FKBP5: variants seen among roughly 807,000 people sequenced by gnomAD.
FKBP5 encodes the protein peptidyl-prolyl cis-trans isomerase FKBP5.
In FKBP5, 23 loss-of-function variants were observed where a neutral mutation model predicts 50.5. That is an observed-to-expected ratio of 0.46 (90% CI 0.33 to 0.65). The LOEUF (loss-of-function observed/expected upper bound fraction) is 0.65, where lower values mean the gene tolerates loss of function less well. Ranked by LOEUF, FKBP5 falls within the 30% of genes least tolerant of loss-of-function variation. FKBP5 has a pLI of 0.02. For missense variants in FKBP5, 411 were observed against 553.1 expected (o/e 0.74, Z 2.58); for synonymous variants, 176 against 190.6 (o/e 0.92, Z 0.63).
intron 1 of FKBP5, among the ~76,000 whole-genome samples, chr6:35,676,089 A>G (rs563292169): frequency 3.9e-5 from 6 of 152,342 alleles, no homozygotes; most frequent in African/African-American, 1.4e-4. Flanking sequence ...AGCAGCAGCA[A>G]GAAGAGAAAA....
intron 5 of FKBP5, among the ~76,000 whole-genome samples, chr6:35,606,659 CAAAAAAAAAAAAAAAAAAAAAAAAA>C (rs61139697): frequency 4.0e-5 from 1 of 25,122 alleles, no homozygotes; most frequent in Non-Finnish European, 7.0e-5. Flanking sequence ...GACTCCGTCT[CAAAAAAAAAAAAAAAAAAAAAAAAA>C]AAAAAAAAAA....
chr6:35,577,210 A>G lies in FKBP5; in HGVS notation c.1050T>C (p.Asn350=), dbSNP rs777596648. 1.9e-6 allele frequency: 3 copies of G among 1,611,694 alleles called. No individual in the cohort carries two copies. Among genetic ancestry groups the G allele is most frequent in the Non-Finnish European group, 1.7e-6 (2 of 1,178,438 alleles). Residue 350 remains asparagine (N), a synonymous_variant, in exon 10 of 11, where the codon AAT becomes AAC. Transcript: ENST00000357266. The part of the protein sequence containing the change: ...CDKALGLDSA[N]EKGLYRRGEA... The stretch of plus-strand genomic sequence containing the variant: ...CACCCCTCCTATACAAGCCTTTCTC[A>G]TTGGCACTGTCCAGTCCAAGGGCCT...
intron 1 of FKBP5, among the ~76,000 whole-genome samples, chr6:35,722,601 C>T (rs924355288): frequency 6.6e-6 from 1 of 152,238 alleles, no homozygotes; most frequent in African/African-American, 2.4e-5. Context: ...GCTCTCCAAC[C>T]TGCACTCCAT....
At chr6:35,614,831 T>C (rs575314301) in intron 5 of FKBP5, among the ~76,000 whole-genome samples, 1 of 152,078 alleles carries the variant, frequency 6.6e-6, no homozygotes, top group African/African-American at 2.4e-5. Context: ...TTTTAACATA[T>C]ACATACAGGC....
At chr6:35,724,774 G>A (rs550675351) in intron 1 of FKBP5, among the ~76,000 whole-genome samples, 22 of 151,622 alleles carry the variant, frequency 1.5e-4, no homozygotes, top group Admixed American at 3.3e-4. Context: ...AAAAAAAAAG[G>A]TGCTGGCTTT....
At chr6:35,649,605 AAG>A (rs1438890847) in intron 1 of FKBP5, among the ~76,000 whole-genome samples, 11 of 152,148 alleles carry the variant, frequency 7.2e-5, no homozygotes, top group Admixed American at 6.6e-4. Flanking sequence ...TTAAAAGTAG[AAG>A]AGAGATGTAG....
intron 3 of FKBP5, among the ~76,000 whole-genome samples, chr6:35,627,359 C>A (rs1043413150): frequency 2.2e-4 from 33 of 152,260 alleles, no homozygotes; most frequent in Non-Finnish European, 3.7e-4. Flanking sequence ...CCAGACTGGT[C>A]TTGAACTCCT....
intron 2 of FKBP5, among the ~76,000 whole-genome samples, chr6:35,707,809 T>C (rs1474186203): frequency 6.6e-6 from 1 of 152,218 alleles, no homozygotes; most frequent in Non-Finnish European, 1.5e-5. Flanking sequence ...ATGCGGTATT[T>C]GGTTTTCTGT....
At chr6:35,589,128 A>ATT (rs58812576) in intron 7 of FKBP5, among the ~76,000 whole-genome samples, 285 of 121,542 alleles carry the variant, frequency 2.3e-3, no homozygotes, top group African/African-American at 5.0e-3. Context: ...ATATATATAT[A>ATT]TTTTTTTTTT....
rs560064726 is a variant in FKBP5 at position 35,648,116 on chromosome 6, G to T, written c.-19-5273C>A. Among the ~76,000 whole-genome samples, 13 of 152,300 alleles carry T rather than the reference G, an allele frequency of 8.5e-5. No individual in the cohort carries two copies. The South Asian group carries it at 2.7e-3, about 32-fold the overall frequency. Reference sequence around the variant, plus strand: ...AGAGTCTGGATTTAATTGGTCTGTGGTGGGGCCAGGGTAATGGTGTTTTCA... The same window carrying T: ...AGAGTCTGGATTTAATTGGTCTGTGTTGGGGCCAGGGTAATGGTGTTTTCA... On this transcript the variant is annotated intron_variant, in intron 1 of 10. Coordinates refer to ENST00000357266, the MANE Select transcript of FKBP5 (RefSeq NM_004117.4).
At chr6:35,688,139 G>C (rs1350989138) in intron 1 of FKBP5, among the ~76,000 whole-genome samples, 1 of 152,232 alleles carries the variant, frequency 6.6e-6, no homozygotes, top group African/African-American at 2.4e-5. Context: ...GGCCGACAGC[G>C]GCGATGCGGT....
At chr6:35,725,920 C>T (rs538939137) in intron 1 of FKBP5, among the ~76,000 whole-genome samples, 2 of 152,292 alleles carry the variant, frequency 1.3e-5, no homozygotes, top group African/African-American at 2.4e-5. Flanking sequence ...CTCGGGGCAC[C>T]GCAGGGAAAG....
intron 2 of FKBP5, among the ~76,000 whole-genome samples, chr6:35,718,095 C>T (rs1386324029): frequency 2.6e-5 from 4 of 152,122 alleles, no homozygotes; most frequent in Non-Finnish European, 4.4e-5. Flanking sequence ...CTGGATGACA[C>T]CACTCCCCAG....
rs148043129 is a variant in FKBP5 at position 35,642,776 on chromosome 6, T to C, written c.49A>G (p.Thr17Ala). 1.2e-3 allele frequency: 1,875 copies of C among 1,614,070 alleles called. No homozygotes were observed. Among genetic ancestry groups the C allele is most frequent in the Admixed American group, 2.3e-3 (140 of 60,006 alleles). Residue 17 changes from threonine to alanine, a missense_variant, in exon 2 of 11, where the codon ACT (threonine) becomes GCT (alanine). By Grantham distance (58) the Thr-to-Ala change is moderately conservative. This residue lies in a region of FKBP5 where 56 missense variants were observed against 58.2 expected (regional missense o/e 0.96). Transcript: ENST00000357266. ...AKNNEESPTA[T>A]VAEQGEDITS... ...ATATCCTCTCCCTGCTCAGCAACAG[T>C]GGCTGTGGGGCTTTCTTCATTGTTC...
intron 2 of FKBP5, among the ~76,000 whole-genome samples, chr6:35,641,042 G>A (rs1275175223): frequency 5.9e-5 from 9 of 152,170 alleles, no homozygotes; most frequent in Admixed American, 5.9e-4. Context: ...GCAGTGGTAT[G>A]ATCATAGTTC....
At chr6:35,697,547 CAAA>C (rs369940228) in intron 2 of FKBP5, among the ~76,000 whole-genome samples, 1 of 124,128 alleles carries the variant, frequency 8.1e-6, no homozygotes. Context: ...AACTCTGTCT[CAAA>C]AAAAAAAAAA....
intron 5 of FKBP5, among the ~76,000 whole-genome samples, chr6:35,615,520 C>G (rs1440934385): frequency 6.6e-6 from 1 of 152,020 alleles, no homozygotes; most frequent in Non-Finnish European, 1.5e-5. Context: ...ATGGTCAAAT[C>G]TGGGACAATG....
intron 1 of FKBP5, among the ~76,000 whole-genome samples, chr6:35,686,486 T>C (rs1394224827): frequency 6.6e-6 from 1 of 152,092 alleles, no homozygotes; most frequent in Non-Finnish European, 1.5e-5. Flanking sequence ...GTATTTTATA[T>C]ATTTAAGTAC....
rs566020230 is a variant in FKBP5 at position 35,600,175 on chromosome 6, T to A, written c.509-2771A>T. ...CGGGACCACTGTCCTATGTGCAATCTGCTGTTAAACAAAATGTTATGCAGC... is the reference window on the plus strand; with the variant it reads ...CGGGACCACTGTCCTATGTGCAATCAGCTGTTAAACAAAATGTTATGCAGC... On this transcript the variant is annotated intron_variant, in intron 5 of 10. Transcript: ENST00000357266. Among the ~76,000 whole-genome samples the A allele has an allele frequency of 1.4e-3, 207 of 152,324 alleles. 1 individual carries two copies. Among genetic ancestry groups the A allele is most frequent in the African/African-American group, 4.8e-3 (201 of 41,578 alleles).
Sources: gnomAD v4.1 joint callset for allele counts (sites outside exome capture counted in the v4.1 genomes callset) on GRCh38, gnomAD v4.1.1 for gene constraint, gnomAD v4.1.1 regional missense constraint, MANE v1.5 for transcripts, NCBI Gene and HGNC (gene_info 2026-07-23, HGNC 2026-07-21) for gene names.